The following WWC2 variants were observed in gnomAD, a reference collection of about 807,000 sequenced individuals.
WWC2 encodes WW and C2 domain containing 2.
Under a neutral mutation model 138.5 loss-of-function variants are expected in WWC2, and 101 were observed. The observed-to-expected ratio is 0.73, with a 90% CI of 0.62 to 0.86. The LOEUF (loss-of-function observed/expected upper bound fraction) is 0.86. Ranked by LOEUF, WWC2 falls within the 40% of genes least tolerant of loss-of-function variation. The probability of loss-of-function intolerance (pLI) is 0.00; values close to 1 mark genes in which losing one functional copy is unlikely to be tolerated. For synonymous variants in WWC2, 558 were observed against 538.4 expected (o/e 1.04, Z -0.50); for missense variants, 1,420 against 1,419.4 (o/e 1.00, Z -0.01).
rs574167307 is a variant in WWC2, at chr4:183,264,904, A to G, written c.1910-74A>G. On this transcript the variant is annotated intron_variant, in intron 11 of 22. Transcript: ENST00000403733. Reference sequence around the variant, plus strand: ...CTTATTTTGGATTGCTCATGACCAAACTATGTATGTATTTAATACTTAACT... The same window carrying G: ...CTTATTTTGGATTGCTCATGACCAAGCTATGTATGTATTTAATACTTAACT... 2.5e-5 allele frequency: 36 copies of G among 1,423,750 alleles called. 1 individual carries two copies. In the South Asian group the frequency reaches 5.7e-4, roughly 23 times the overall value. 88.2% of individuals were successfully genotyped at this position (1,423,750 alleles called of 1,614,324 possible).
chr4:183,253,659 T>C, intron 8 of WWC2, 98 bp from the exon 9 acceptor site: 2 of 1,447,114 alleles, frequency 1.4e-6, no homozygotes, highest in Non-Finnish European at 1.9e-6. Context: ...GTTAGGAAAA[T>C]CTGGACAGCA....
chr4:183,309,051 A>T (rs1271675921), intron 21 of WWC2, among the ~76,000 whole-genome samples: 3 of 152,224 alleles, frequency 2.0e-5, no homozygotes, highest in African/African-American at 4.8e-5. Context: ...ATGAATCTGG[A>T]TATAGACCCT....
chr4:183,251,039 A>T (rs1736963760), intron 8 of WWC2, among the ~76,000 whole-genome samples: 2 of 152,210 alleles, frequency 1.3e-5, no homozygotes, highest in African/African-American at 4.8e-5. Flanking sequence ...TTCATTCCAC[A>T]AATTATTAAC....
chr4:183,247,747 A>T (rs1339689575), intron 6 of WWC2, among the ~76,000 whole-genome samples: 1 of 139,870 alleles, frequency 7.1e-6, no homozygotes, highest in African/African-American at 2.7e-5. Flanking sequence ...TACTATATAT[A>T]CTACATAATA....
At chr4:183,178,220 A>G (rs1035749800) in intron 1 of WWC2, among the ~76,000 whole-genome samples, 1 of 152,028 alleles carries the variant, frequency 6.6e-6, no homozygotes, top group African/African-American at 2.4e-5. Flanking sequence ...TTGTCTCTAA[A>G]TGTAACAATA....
intron 21 of WWC2, among the ~76,000 whole-genome samples, chr4:183,297,596 G>A (rs1409117086): frequency 5.3e-5 from 8 of 151,900 alleles, no homozygotes; most frequent in African/African-American, 1.7e-4. Flanking sequence ...ATTTAGTAGA[G>A]ATGGGGTTTC....
At chr4:183,297,256 A>C (rs1738663133) in intron 21 of WWC2, among the ~76,000 whole-genome samples, 1 of 152,022 alleles carries the variant, frequency 6.6e-6, no homozygotes, top group East Asian at 2.0e-4. Flanking sequence ...TGCAGGTGTG[A>C]GCCACCACAC....
chr4:183,292,370 C>T (rs1738485902), intron 21 of WWC2, among the ~76,000 whole-genome samples: 1 of 151,372 alleles, frequency 6.6e-6, no homozygotes, highest in South Asian at 2.1e-4. Flanking sequence ...GTTAGCTGAG[C>T]GTGGTGGCAC....
intron 1 of WWC2, among the ~76,000 whole-genome samples, chr4:183,157,504 T>A (rs1351612836): frequency 2.6e-5 from 4 of 152,136 alleles, no homozygotes; most frequent in South Asian, 2.1e-4. Flanking sequence ...CAATTTTTTT[T>A]TATATATTTA....
intron 1 of WWC2, among the ~76,000 whole-genome samples, chr4:183,107,528 C>G (rs1732063251): frequency 6.6e-6 from 1 of 152,098 alleles, no homozygotes; most frequent in African/African-American, 2.4e-5. Flanking sequence ...GTATTTCCCT[C>G]TTCGTAGTGT....
At chr4:183,215,546 A>G (rs185036665) in intron 4 of WWC2, among the ~76,000 whole-genome samples, 2 of 152,350 alleles carry the variant, frequency 1.3e-5, no homozygotes, top group African/African-American at 2.4e-5. Flanking sequence ...AATAATTAAA[A>G]TGTATAGCAC....
intron 1 of WWC2, among the ~76,000 whole-genome samples, chr4:183,158,014 T>C (rs1229762205): frequency 2.0e-5 from 3 of 152,074 alleles, no homozygotes; most frequent in Non-Finnish European, 4.4e-5. Flanking sequence ...CCCCCTTTCC[T>C]CCATCTCACC....
At chr4:183,110,171 A>G (rs762173461) in intron 1 of WWC2, among the ~76,000 whole-genome samples, 16 of 152,348 alleles carry the variant, frequency 1.1e-4, no homozygotes, top group Admixed American at 7.8e-4. Flanking sequence ...GCTGCTATAT[A>G]ATTCTTAAGA....
intron 16 of WWC2, among the ~76,000 whole-genome samples, chr4:183,279,682 A>C (rs974893645): frequency 6.6e-6 from 1 of 151,938 alleles, no homozygotes; most frequent in African/African-American, 2.4e-5. Context: ...CAGAGATTCA[A>C]CTTCTTCCTG....
intron 14 of WWC2, 97 bp downstream of exon 14, chr4:183,266,048 C>G (rs763007744): frequency 4.2e-6 from 5 of 1,179,566 alleles, no homozygotes; most frequent in Admixed American, 2.1e-5. Context: ...AATGAAGATA[C>G]GGAAAAGACA....
chr4:183,192,334 G>A (rs905232903), intron 1 of WWC2, among the ~76,000 whole-genome samples: 1 of 152,218 alleles, frequency 6.6e-6, no homozygotes, highest in Non-Finnish European at 1.5e-5. Context: ...GAGGTGCCCA[G>A]TAAGTGGTCT....
intron 21 of WWC2, among the ~76,000 whole-genome samples, chr4:183,300,876 A>C (rs969695771): frequency 1.3e-5 from 2 of 152,152 alleles, no homozygotes; most frequent in Non-Finnish European, 2.9e-5. Flanking sequence ...CTTCTCTGCA[A>C]GGGATAGGAT....
chr4:183,318,710 G>A lies in WWC2; in HGVS notation c.*2981G>A, dbSNP rs774186523. ...ATATGTATTGCTGATAAAAAAGGAC[G>A]AAGTATTTTCATTGAGCAAATAAAA... is the stretch of plus-strand genomic sequence containing the variant. On this transcript the variant is annotated 3_prime_UTR_variant, in exon 23 of 23. Transcript: ENST00000403733. 6.6e-6 allele frequency: 1 copy of A among 152,170 alleles called. No homozygotes were observed. Among genetic ancestry groups the A allele is most frequent in the Non-Finnish European group, 1.5e-5 (1 of 68,032 alleles). 9.4% of individuals were successfully genotyped at this position (152,170 alleles called of 1,614,324 possible).
At chr4:183,168,452 A>T (rs1368702041) in intron 1 of WWC2, among the ~76,000 whole-genome samples, 1 of 152,206 alleles carries the variant, frequency 6.6e-6, no homozygotes, top group Non-Finnish European at 1.5e-5. Flanking sequence ...ATAGAAGAAG[A>T]AAATTGGCAA....
Sources: gnomAD v4.1 joint callset for allele counts (sites outside exome capture counted in the v4.1 genomes callset) on GRCh38, gnomAD v4.1.1 for gene constraint, MANE v1.5 for transcripts, NCBI Gene and HGNC (gene_info 2026-07-23, HGNC 2026-07-21) for gene names.